Variants in XPO4 observed in about 807,000 individuals in gnomAD.
The protein encoded by XPO4 is exportin-4.
In XPO4, 39 loss-of-function variants were observed where a neutral mutation model predicts 143.0. That is an observed-to-expected ratio of 0.27 (90% CI 0.21 to 0.36). XPO4 has a LOEUF of 0.36. Among genes scored for constraint, XPO4 ranks in the 10% least tolerant of loss-of-function variants. The probability of loss-of-function intolerance (pLI) is 1.00; values close to 1 mark genes in which losing one functional copy is unlikely to be tolerated. For synonymous variants in XPO4, 439 were observed against 474.0 expected (o/e 0.93, Z 0.96); for missense variants, 907 against 1,348.0 (o/e 0.67, Z 5.12).
At chr13:20,795,162 A>C (rs2059341082) in intron 18 of XPO4, among the ~76,000 whole-genome samples, 1 of 152,210 alleles carries the variant, frequency 6.6e-6, no homozygotes, top group Non-Finnish European at 1.5e-5. Flanking sequence ...AAAAATGTCC[A>C]CTACCACACG....
intron 1 of XPO4, among the ~76,000 whole-genome samples, chr13:20,891,122 TAAAAAA>T (rs57528913): frequency 0.34 from 29,216 of 85,644 alleles, 4,120 homozygotes; most frequent in Middle Eastern, 0.4. Flanking sequence ...CATCTCAATT[TAAAAAA>T]AAAAAAAAAA....
At chr13:20,887,464 CA>C (rs1271540283) in intron 1 of XPO4, among the ~76,000 whole-genome samples, 1 of 152,066 alleles carries the variant, frequency 6.6e-6, no homozygotes, top group Non-Finnish European at 1.5e-5. Flanking sequence ...TTTCATAAAC[CA>C]AATCCAACAA....
Position 20,870,229 on chromosome 13 carries a change from A to G in XPO4, c.70-1528T>C, listed in dbSNP as rs1022321467. 3.3e-5 allele frequency among the ~76,000 whole-genome samples: 5 copies of G among 151,914 alleles called. No homozygotes were observed. In the East Asian group the frequency reaches 9.7e-4, roughly 29 times the overall value. On this transcript the variant is annotated intron_variant, in intron 1 of 22. Transcript: ENST00000255305. ...GGTCACCTGGGGTCAGGAGTTCGAG[A>G]CCAGCCTGGCCAACATGGTGAAACC...
Position 20,843,651 on chromosome 13 carries a change from T to C in XPO4, c.573+119A>G. On this transcript the variant is annotated intron_variant, in intron 5 of 22. Transcript: ENST00000255305. The stretch of plus-strand genomic sequence containing the variant: ...ATATCCTTTGAAATCACAAAACAAA[T>C]CCTGAAGTACAGGCTACCATTCAAC... The C allele has an allele frequency of 7.2e-6, 5 of 696,414 alleles. No individual in the cohort carries two copies. In the Admixed American group the frequency reaches 1.4e-4, roughly 20 times the overall value. The allele number at this position is 696,414 out of a possible 1,614,324, so 43.1% of individuals were successfully genotyped here.
chr13:20,792,582 C>A (rs1343570421), intron 18 of XPO4, among the ~76,000 whole-genome samples: 2 of 151,422 alleles, frequency 1.3e-5, no homozygotes, highest in African/African-American at 4.9e-5. Context: ...AACAAACAAA[C>A]AAATAAACAA....
intron 1 of XPO4, among the ~76,000 whole-genome samples, chr13:20,873,406 C>T (rs1019144965): frequency 5.9e-5 from 9 of 152,086 alleles, no homozygotes; most frequent in African/African-American, 2.2e-4. Context: ...TCAGGGCTGA[C>T]TATATGCCAA....
At chr13:20,856,963 A>T (rs2060150253) in intron 3 of XPO4, 1 of 880,166 alleles carries the variant, frequency 1.1e-6, no homozygotes, top group African/African-American at 1.8e-5. Context: ...TATGCACACT[A>T]GCATATGCAA....
chr13:20,882,886 C>CA (rs546935402), intron 1 of XPO4, among the ~76,000 whole-genome samples: 2,831 of 119,076 alleles, frequency 0.024, 62 homozygotes, highest in East Asian at 0.08. Context: ...AACTCAGTCT[C>CA]AAAAAAAAAA....
chr13:20,872,550 T>G (rs904765476), intron 1 of XPO4, among the ~76,000 whole-genome samples: 1 of 152,082 alleles, frequency 6.6e-6, no homozygotes, highest in Non-Finnish European at 1.5e-5. Flanking sequence ...TTATTTTAGA[T>G]AGATACATAC....
intron 13 of XPO4, among the ~76,000 whole-genome samples, chr13:20,804,185 C>CTA (rs986924840): frequency 4.0e-5 from 6 of 150,122 alleles, no homozygotes; most frequent in Admixed American, 3.3e-4. Flanking sequence ...TATACATACA[C>CTA]TATATATATC....
intron 3 of XPO4, among the ~76,000 whole-genome samples, chr13:20,858,245 A>G (rs911316097): frequency 6.6e-6 from 1 of 152,206 alleles, no homozygotes; most frequent in Non-Finnish European, 1.5e-5. Context: ...AAAAGTATAA[A>G]GGAAAAAGGA....
Position 20,889,398 on chromosome 13 carries a change from T to C in XPO4, c.69+13272A>G, listed in dbSNP as rs2060491273. Among the ~76,000 whole-genome samples the C allele has an allele frequency of 3.9e-5, 6 of 152,168 alleles. No individual in the cohort carries two copies. The South Asian group carries it at 1.0e-3, about 26-fold the overall frequency. On this transcript the variant is annotated intron_variant, in intron 1 of 22. Transcript: ENST00000255305. Reference sequence around the variant, plus strand: ...TCTTCAGATGATGATGTTATATCAGTGGTTCTTAATTTAGGTAATTTTGTC... The same window carrying C: ...TCTTCAGATGATGATGTTATATCAGCGGTTCTTAATTTAGGTAATTTTGTC...
At position 20,855,616 on chromosome 13, in the gene XPO4, A is replaced by G; in HGVS notation, c.456+11T>C. ...ATTGTTAATATTTATAAATACAAAT[A>G]GCACACTTACCACAGTGGGATTGCC... On this transcript the variant is annotated intron_variant, in intron 4 of 22. Coordinates refer to ENST00000255305, the MANE Select transcript of XPO4 (RefSeq NM_022459.5). 6.4e-7 allele frequency: 1 copy of G among 1,570,328 alleles called. No individual in the cohort carries two copies. The highest frequency in any genetic ancestry group is 8.6e-7 in the Non-Finnish European group (1 of 1,166,150).
At chr13:20,891,116 T>C (rs562618857) in intron 1 of XPO4, among the ~76,000 whole-genome samples, 2 of 96,552 alleles carry the variant, frequency 2.1e-5, no homozygotes, top group African/African-American at 4.4e-5. Context: ...AAACTCCATC[T>C]CAATTTAAAA....
chr13:20,811,924 G>A (rs1001756271), intron 9 of XPO4, among the ~76,000 whole-genome samples: 2 of 152,170 alleles, frequency 1.3e-5, no homozygotes, highest in Non-Finnish European at 2.9e-5. Flanking sequence ...ATCCAAGTGG[G>A]AATGTTCTAT....
chr13:20,849,084 A>G (rs536449518), intron 4 of XPO4: 83 of 985,440 alleles, frequency 8.4e-5, no homozygotes, highest in Non-Finnish European at 9.6e-5. Flanking sequence ...CACAAGCCCA[A>G]GATACTCAAA....
intron 2 of XPO4, chr13:20,863,187 T>G (rs2060216735): frequency 1.1e-6 from 1 of 917,610 alleles, no homozygotes; most frequent in Non-Finnish European, 1.3e-6. Context: ...GAAAATTTCC[T>G]AAGATTCTCA....
rs1183555563 is a variant in XPO4, at chr13:20,843,022, C to T, written c.600G>A (p.Met200Ile). ...ACTCCTGCAGAACTTCAACAGTTAA[C>T]ATGAAGATCTGACGAAGGTCTTCTT... is the stretch of plus-strand genomic sequence containing the variant. ...FQEEDLRQIF[M>I]LTVEVLQEFS... The change falls in exon 6 of 23, where the codon ATG (methionine) becomes ATA (isoleucine). Residue 200 changes from methionine (M) to isoleucine (I), a missense_variant. Coordinates refer to ENST00000255305, the MANE Select transcript of XPO4 (RefSeq NM_022459.5). The T allele has an allele frequency of 1.2e-6, 2 of 1,612,256 alleles. No homozygotes were observed. The highest frequency in any genetic ancestry group is 1.7e-6 in the Non-Finnish European group (2 of 1,178,898).
At chr13:20,877,191 T>C (rs1473356525) in intron 1 of XPO4, among the ~76,000 whole-genome samples, 1 of 152,198 alleles carries the variant, frequency 6.6e-6, no homozygotes, top group Non-Finnish European at 1.5e-5. Flanking sequence ...AGGATTAATA[T>C]CCAGAACATA....
Sources: gnomAD v4.1 joint callset for allele counts (sites outside exome capture counted in the v4.1 genomes callset) on GRCh38, gnomAD v4.1.1 for gene constraint, MANE v1.5 for transcripts, NCBI Gene and HGNC (gene_info 2026-07-23, HGNC 2026-07-21) for gene names.